RPS6KA5: variants seen among roughly 807,000 people sequenced by gnomAD.
RPS6KA5 encodes ribosomal protein S6 kinase A5.
Under a neutral mutation model 85.5 loss-of-function variants are expected in RPS6KA5, and 27 were observed. That is an observed-to-expected ratio of 0.32 (90% CI 0.23 to 0.44). RPS6KA5 has a LOEUF of 0.44. Ranked by LOEUF, RPS6KA5 falls within the 20% of genes least tolerant of loss-of-function variation. The pLI is 1.00. For synonymous variants in RPS6KA5, 334 were observed against 348.2 expected, an observed-to-expected ratio of 0.96 and a Z score of 0.46; for missense variants, 811 against 980.9, an observed-to-expected ratio of 0.83 and a Z score of 2.31.
chr14:90,953,868 GA>G (rs1455200482), intron 3 of RPS6KA5, among the ~76,000 whole-genome samples: 1 of 152,174 alleles, frequency 6.6e-6, no homozygotes, highest in Non-Finnish European at 1.5e-5. Flanking sequence ...TGTTTATCAA[GA>G]CAATACATGC....
intron 1 of RPS6KA5, among the ~76,000 whole-genome samples, chr14:91,004,698 T>C (rs1300877141): frequency 6.6e-6 from 1 of 152,018 alleles, no homozygotes; most frequent in African/African-American, 2.4e-5. Context: ...CCGGGCGCGG[T>C]GGCTCACACC....
In RPS6KA5 at chr14:90,945,131, T is replaced by C. The variant is rs2037807112; in HGVS notation, c.511-1946A>G. On this transcript the variant is annotated intron_variant, in intron 4 of 16. Transcript: ENST00000614987. ...GCCAGGTGTGGTTGCGCATGCCTGT[T>C]GTCCCAGCTACTCAGGAGGCTGAGG... 2.0e-5 allele frequency among the ~76,000 whole-genome samples: 3 copies of C among 151,098 alleles called. No individual in the cohort carries two copies. The South Asian group carries it at 6.3e-4, about 32-fold the overall frequency.
At chr14:90,909,310 C>A (rs1408613665) in intron 7 of RPS6KA5, among the ~76,000 whole-genome samples, 2 of 152,170 alleles carry the variant, frequency 1.3e-5, no homozygotes, top group Admixed American at 6.5e-5. Context: ...CCAAAGTTAT[C>A]TTTTTCTTGC....
intron 3 of RPS6KA5, among the ~76,000 whole-genome samples, chr14:90,952,751 GATCATTAATGGGAA>G (rs1254124112): frequency 6.6e-6 from 1 of 152,220 alleles, no homozygotes; most frequent in Admixed American, 6.5e-5. Context: ...CAACAAGACT[GATCATTAATGGGAA>G]ATGGTCAAAG....
At chr14:90,977,407 G>A (rs957652675) in intron 3 of RPS6KA5, among the ~76,000 whole-genome samples, 4 of 152,194 alleles carry the variant, frequency 2.6e-5, no homozygotes, top group Non-Finnish European at 4.4e-5. Context: ...GAATGTGTGT[G>A]AGGACTTTCC....
intron 2 of RPS6KA5, among the ~76,000 whole-genome samples, chr14:90,994,765 G>A (rs1351411443): frequency 1.3e-5 from 2 of 150,906 alleles, no homozygotes; most frequent in African/African-American, 4.9e-5. Flanking sequence ...GTAGAGACGG[G>A]GTTTAACCGT....
chr14:90,920,459 A>G (rs2036347130), intron 6 of RPS6KA5, 150 bp from the exon 7 acceptor site: 1 of 592,286 alleles, frequency 1.7e-6, no homozygotes, highest in African/African-American at 1.9e-5. Context: ...AAATTAACAC[A>G]TGCAAGAAAG....
At chr14:90,916,228 G>C (rs1256178272) in intron 7 of RPS6KA5, among the ~76,000 whole-genome samples, 1 of 152,066 alleles carries the variant, frequency 6.6e-6, no homozygotes, top group Admixed American at 6.6e-5. Context: ...CCTTATAGAA[G>C]CTCCATCCTT....
At chr14:90,879,070 C>A (rs928562658) in intron 14 of RPS6KA5, among the ~76,000 whole-genome samples, 2 of 152,202 alleles carry the variant, frequency 1.3e-5, no homozygotes, top group East Asian at 3.9e-4. Flanking sequence ...CAAATAACTG[C>A]TCCTGAGATG....
chr14:91,054,172 A>T (rs894569172), intron 1 of RPS6KA5, among the ~76,000 whole-genome samples: 1 of 152,232 alleles, frequency 6.6e-6, no homozygotes, highest in Admixed American at 6.5e-5. Context: ...ACTACCTCAC[A>T]TGATATCCAG....
chr14:91,055,753 T>C (rs1054174364), intron 1 of RPS6KA5, among the ~76,000 whole-genome samples: 3 of 152,194 alleles, frequency 2.0e-5, no homozygotes, highest in African/African-American at 7.2e-5. Context: ...CACTCCAGCC[T>C]GGATAGATTC....
intron 11 of RPS6KA5, among the ~76,000 whole-genome samples, 198 bp from the exon 12 acceptor site, chr14:90,899,620 C>G (rs1397796004): frequency 3.3e-5 from 5 of 152,146 alleles, no homozygotes; most frequent in African/African-American, 1.2e-4. Context: ...ATTATTATTT[C>G]TGAGTCAGAA....
chr14:91,021,470 T>C (rs2041779464), intron 1 of RPS6KA5, among the ~76,000 whole-genome samples: 1 of 152,066 alleles, frequency 6.6e-6, no homozygotes, highest in African/African-American at 2.4e-5. Context: ...GTAAGATCCG[T>C]CTCTATTTCA....
chr14:90,979,756 C>A (rs920248522), intron 2 of RPS6KA5, among the ~76,000 whole-genome samples: 1 of 152,242 alleles, frequency 6.6e-6, no homozygotes. Context: ...TTCACTTAAT[C>A]CTCAAAACAG....
rs1403196223 is a variant in RPS6KA5 at position 90,871,149 on chromosome 14, G to A, written c.*925C>T. On this transcript the variant is annotated 3_prime_UTR_variant, in exon 17 of 17. Transcript: ENST00000614987. ...AGGTTTTCCTCACATTGGTGCATAAGTGGCTGACTACATGACACAACATGC... is the reference window on the plus strand; with the variant it reads ...AGGTTTTCCTCACATTGGTGCATAAATGGCTGACTACATGACACAACATGC... 6.6e-6 allele frequency: 1 copy of A among 152,454 alleles called. No individual in the cohort carries two copies. The highest frequency in any genetic ancestry group is 1.5e-5 in the Non-Finnish European group (1 of 68,004). The allele number at this position is 152,454 out of a possible 1,614,324, so 9.4% of individuals were successfully genotyped here.
At chr14:90,979,081 G>C (rs1210427796) in intron 2 of RPS6KA5, among the ~76,000 whole-genome samples, 1 of 152,146 alleles carries the variant, frequency 6.6e-6, no homozygotes, top group Non-Finnish European at 1.5e-5. Flanking sequence ...CATACAATAC[G>C]ACAGAAGCCC....
chr14:91,053,047 C>A (rs1478114465), intron 1 of RPS6KA5, among the ~76,000 whole-genome samples: 1 of 152,032 alleles, frequency 6.6e-6, no homozygotes, highest in Non-Finnish European at 1.5e-5. Context: ...CCCAGGAATA[C>A]AAGGTTGGCT....
intron 15 of RPS6KA5, among the ~76,000 whole-genome samples, chr14:90,874,191 T>C (rs1373731501): frequency 2.0e-5 from 3 of 152,174 alleles, no homozygotes; most frequent in Non-Finnish European, 4.4e-5. Flanking sequence ...GATATGGAGA[T>C]GGAGATGCAG....
intron 2 of RPS6KA5, among the ~76,000 whole-genome samples, chr14:90,992,964 A>C (rs1258967033): frequency 6.6e-6 from 1 of 152,038 alleles, no homozygotes; most frequent in Non-Finnish European, 1.5e-5. Flanking sequence ...TCTTTTTTCA[A>C]CTCCACAAAT....
Sources: gnomAD v4.1 joint callset for allele counts (sites outside exome capture counted in the v4.1 genomes callset) on GRCh38, gnomAD v4.1.1 for gene constraint, MANE v1.5 for transcripts, NCBI Gene and HGNC (gene_info 2026-07-23, HGNC 2026-07-21) for gene names.